TRAF3IP3: variants seen among roughly 807,000 people sequenced by gnomAD.
The protein encoded by TRAF3IP3 is TRAF3 interacting protein 3, also known as TRAF3-interacting JNK-activating modulator.
A neutral mutation model predicts 86.5 loss-of-function variants in TRAF3IP3; 64 were observed. The observed-to-expected ratio is 0.74, with a 90% CI of 0.60 to 0.91. The LOEUF (loss-of-function observed/expected upper bound fraction) is 0.91. TRAF3IP3 is among the 40% of genes least tolerant of loss of function. The probability of loss-of-function intolerance (pLI) is 0.00; values close to 1 mark genes in which losing one functional copy is unlikely to be tolerated. For synonymous variants in TRAF3IP3, 220 were observed against 243.9 expected, an observed-to-expected ratio of 0.90 and a Z score of 0.91; for missense variants, 579 against 642.9, an observed-to-expected ratio of 0.90 and a Z score of 1.07.
chr1:209,780,397 G>A (rs1175435586), intron 14 of TRAF3IP3, 73 bp from the exon 15 acceptor site: 1 of 1,375,390 alleles, frequency 7.3e-7, no homozygotes, highest in Non-Finnish European at 9.6e-7. Flanking sequence ...CCCACTCCTA[G>A]TGGTTTCACC....
intron 8 of TRAF3IP3, among the ~76,000 whole-genome samples, chr1:209,772,048 C>T (rs1025227473): frequency 1.4e-5 from 2 of 141,536 alleles, no homozygotes; most frequent in African/African-American, 2.6e-5. Context: ...GGTGTGTGTG[C>T]ACATGTGAAG....
intron 11 of TRAF3IP3, 146 bp from the exon 12 acceptor site, chr1:209,777,206 A>G (rs2077672238): frequency 1.7e-6 from 1 of 597,342 alleles, no homozygotes; most frequent in Non-Finnish European, 2.8e-6. Flanking sequence ...AAAAAGAAAG[A>G]CTTCTCTATT....
In TRAF3IP3 at chr1:209,782,109, G is replaced by A; in HGVS notation, c.1617G>A (p.Leu539=). The change falls in exon 17 of 17, where the codon CTG becomes CTA. Residue 539 remains leucine (L), a synonymous_variant. Transcript: ENST00000367025. ...TGATGGTGGTGATTGCTGCAGCACT[G>A]GCAGTGTTCCTGGCCAATAAAGACA... ...PVLMVVIAAA[L]AVFLANKDNL... is the part of the protein sequence containing the mutation. 2 of 1,614,152 alleles carry A rather than the reference G, an allele frequency of 1.2e-6. No individual in the cohort carries two copies. The highest frequency in any genetic ancestry group is 2.2e-5 in the East Asian group (1 of 44,884).
In TRAF3IP3 at chr1:209,766,534, T is replaced by C. The variant is rs77004579; in HGVS notation, c.702+2947T>C. On this transcript the variant is annotated intron_variant, in intron 8 of 16. Coordinates refer to ENST00000367025, the MANE Select transcript of TRAF3IP3 (RefSeq NM_025228.4). ...AGGAAAAAGAGAAAGAAGGCAGCAA[T>C]TATTCCACCTGAGGTGGAACAGGGA... Among the ~76,000 whole-genome samples, 1,211 of 152,264 alleles carry C rather than the reference T, an allele frequency of 8.0e-3. 14 individuals carry two copies. The highest frequency in any genetic ancestry group is 0.027 in the African/African-American group (1,109 of 41,532).
chr1:209,766,863 C>CA (rs1213283435), intron 8 of TRAF3IP3, among the ~76,000 whole-genome samples: 1 of 151,816 alleles, frequency 6.6e-6, no homozygotes, highest in Non-Finnish European at 1.5e-5. Flanking sequence ...GATTCTGTCT[C>CA]AAAAAATAAA....
intron 12 of TRAF3IP3, chr1:209,777,721 T>C: frequency 2.0e-6 from 1 of 511,344 alleles, no homozygotes. Context: ...GCTCTCTTTT[T>C]TAGCCCATCC....
intron 8 of TRAF3IP3, among the ~76,000 whole-genome samples, chr1:209,770,506 A>G (rs1426373457): frequency 1.5e-4 from 15 of 98,450 alleles, no homozygotes; most frequent in South Asian, 6.9e-4. Context: ...TGTGCATGTG[A>G]AAGTATGTGT....
chr1:209,763,633 G>C (rs760925469), intron 8 of TRAF3IP3, 46 bp downstream of exon 8: 1 of 1,467,738 alleles, frequency 6.8e-7, no homozygotes, highest in East Asian at 2.3e-5. Context: ...GCTTCTATGT[G>C]TTCCCATCTC....
Position 209,781,362 on chromosome 1 carries a change from A to C in TRAF3IP3, c.1467A>C (p.Ser489=), listed in dbSNP as rs1313040667. The C allele has an allele frequency of 1.9e-6, 3 of 1,612,674 alleles. No homozygotes were observed. Among genetic ancestry groups the C allele is most frequent in the Admixed American group, 1.7e-5 (1 of 59,976 alleles). The change falls in exon 16 of 17, where the codon TCA becomes TCC. Residue 489 remains serine (S), a synonymous_variant. Transcript: ENST00000367025. ...AKEKECRELH[S]ELDNLSDEYL... is the part of the protein sequence containing the mutation. ...CTCCCCAGTGCAGAGAACTGCATTC[A>C]GAATTAGACAACCTCAGTGACGAGT...
At chr1:209,765,227 G>GAGAGAGGA (rs2077328134) in intron 8 of TRAF3IP3, among the ~76,000 whole-genome samples, 1 of 58,270 alleles carries the variant, frequency 1.7e-5, no homozygotes, top group Admixed American at 2.1e-4. Flanking sequence ...GAGAGAGAGA[G>GAGAGAGGA]AGGAAGGAAG....
chr1:209,768,941 G>C (rs1284346285), intron 8 of TRAF3IP3, among the ~76,000 whole-genome samples: 2 of 152,194 alleles, frequency 1.3e-5, no homozygotes, highest in South Asian at 2.1e-4. Context: ...CTCCAGACTT[G>C]GGTGGCCCTT....
intron 4 of TRAF3IP3, 59 bp from the exon 5 acceptor site, chr1:209,762,754 C>T: frequency 4.3e-6 from 5 of 1,151,518 alleles, no homozygotes; most frequent in African/African-American, 4.9e-5. Flanking sequence ...CCCTGTCCCT[C>T]CCCACTTCCC....
rs896435955 is a variant in TRAF3IP3, at chr1:209,763,386, C to T, written c.600C>T (p.Tyr200=). The T allele has an allele frequency of 6.2e-7, 1 of 1,613,876 alleles. No individual in the cohort carries two copies. The highest frequency in any genetic ancestry group is 1.7e-4 in the Middle Eastern group (1 of 5,886). ...AGGAAATCATCCAGCTTTCTGATTACCTCAAAGTAAGTGGCATGTGACCCC... is the reference window on the plus strand; with the variant it reads ...AGGAAATCATCCAGCTTTCTGATTATCTCAAAGTAAGTGGCATGTGACCCC... ...LDKEIIQLSD[Y]LKEALQRELV... Residue 200 remains tyrosine (Y), a synonymous_variant, in exon 7 of 17, where the codon TAC becomes TAT. Coordinates refer to ENST00000367025, the MANE Select transcript of TRAF3IP3 (RefSeq NM_025228.4).
chr1:209,780,585 G>A lies in TRAF3IP3; in HGVS notation c.1428G>A (p.Gln476=). The A allele has an allele frequency of 1.3e-6, 2 of 1,592,860 alleles. No individual in the cohort carries two copies. The highest frequency in any genetic ancestry group is 8.6e-7 in the Non-Finnish European group (1 of 1,167,820). ...LRDQLQKKTL[Q]LQAKEKECRE... ...ACCAGCTGCAAAAGAAGACTTTGCA[G>A]CTCCAGGCCAAGGAAAAGGAGGTGA... is the stretch of plus-strand genomic sequence containing the variant. The change falls in exon 15 of 17, where the codon CAG becomes CAA. Residue 476 remains glutamine, a synonymous_variant. Coordinates refer to ENST00000367025, the MANE Select transcript of TRAF3IP3 (RefSeq NM_025228.4).
At chr1:209,763,628 T>C in intron 8 of TRAF3IP3, 41 bp downstream of exon 8, 1 of 1,497,600 alleles carries the variant, frequency 6.7e-7, no homozygotes, top group Non-Finnish European at 9.3e-7. Context: ...CTTGGGCTTC[T>C]ATGTGTTCCC....
rs778386677 is a variant in TRAF3IP3, at chr1:209,775,496, G to A, written c.915+7G>A. ...GCAACTACAGAGCACACAGGTATGG[G>A]GATGCCACATAGACATGGGGCTGGG... On this transcript the variant is annotated splice_region_variant and intron_variant, in intron 10 of 16. Coordinates refer to ENST00000367025, the MANE Select transcript of TRAF3IP3 (RefSeq NM_025228.4). The A allele has an allele frequency of 1.2e-6, 2 of 1,614,236 alleles. No individual in the cohort carries two copies. Among genetic ancestry groups the A allele is most frequent in the Admixed American group, 1.7e-5 (1 of 60,026 alleles).
At position 209,760,096 on chromosome 1, in the gene TRAF3IP3, T is replaced by G; in HGVS notation, c.57T>G (p.Tyr19Ter). 6.2e-7 allele frequency: 1 copy of G among 1,614,086 alleles called. No individual in the cohort carries two copies. The highest frequency in any genetic ancestry group is 8.5e-7 in the Non-Finnish European group (1 of 1,179,990). The change falls in exon 3 of 17, where the codon TAT (tyrosine) becomes TAG (stop). Residue 19 changes from tyrosine to a stop codon, truncating the protein, a stop_gained. Coordinates refer to ENST00000367025, the MANE Select transcript of TRAF3IP3 (RefSeq NM_025228.4). LOFTEE classifies it high-confidence loss of function. ...GCTTGGCCCGGTGGGCTGAGAGCTA[T>G]GAGGCCAAGTGTGAGCGCAGGCAAG... ...SPGLARWAES[Y>*]EAKCERRQEI...
intron 8 of TRAF3IP3, among the ~76,000 whole-genome samples, chr1:209,770,798 T>G: frequency 9.0e-6 from 1 of 110,552 alleles, no homozygotes; most frequent in Non-Finnish European, 1.8e-5. Context: ...TGTGTGCATA[T>G]GGAGGTGTGT....
chr1:209,779,096 A>T, intron 13 of TRAF3IP3: 1 of 585,844 alleles, frequency 1.7e-6, no homozygotes, highest in South Asian at 2.1e-5. Context: ...GAATGACCCC[A>T]TTTTAACTTG....
Sources: allele counts gnomAD v4.1 joint callset (sites outside exome capture counted in the v4.1 genomes callset), GRCh38; gene constraint gnomAD v4.1.1; transcripts MANE v1.5; gene names NCBI Gene and HGNC (gene_info 2026-07-23, HGNC 2026-07-21).